Variants in IKBKB observed in about 807,000 individuals in gnomAD.
The protein encoded by IKBKB is inhibitor of nuclear factor kappa-B kinase subunit beta.
In IKBKB, 42 loss-of-function variants were observed where a neutral mutation model predicts 113.6. The observed-to-expected ratio is 0.37, with a 90% CI of 0.29 to 0.48. The LOEUF (loss-of-function observed/expected upper bound fraction) is 0.48, where lower values mean the gene tolerates loss of function less well. Ranked by LOEUF, IKBKB falls within the 20% of genes least tolerant of loss-of-function variation. IKBKB has a pLI of 0.99. For synonymous variants in IKBKB, 296 were observed against 361.3 expected (o/e 0.82, Z 2.05); for missense variants, 673 against 939.7 (o/e 0.72, Z 3.71).
intron 7 of IKBKB, among the ~76,000 whole-genome samples, chr8:42,306,928 T>C (rs957995591): frequency 2.0e-5 from 3 of 152,190 alleles, no homozygotes; most frequent in Non-Finnish European, 4.4e-5. Context: ...GAGTCACTCA[T>C]TCATTCAAGC....
intron 5 of IKBKB, among the ~76,000 whole-genome samples, chr8:42,297,434 G>C (rs1036478037): frequency 6.6e-6 from 1 of 152,122 alleles, no homozygotes; most frequent in African/African-American, 2.4e-5. Flanking sequence ...CGCTGGGTCC[G>C]GATTCATTGC....
intron 2 of IKBKB, among the ~76,000 whole-genome samples, chr8:42,286,221 G>A (rs10099598): frequency 0.94 from 142,578 of 152,162 alleles, 66,947 homozygotes; most frequent in East Asian, 0.99. Flanking sequence ...CATGGAGTCT[G>A]CTGTTCCATT....
At chr8:42,300,975 C>A (rs1208735264) in intron 5 of IKBKB, among the ~76,000 whole-genome samples, 1 of 152,194 alleles carries the variant, frequency 6.6e-6, no homozygotes, top group Non-Finnish European at 1.5e-5. Context: ...TCACCTCAGT[C>A]TCCCACGTAG....
At chr8:42,325,772 C>A (rs956389778) in intron 19 of IKBKB, 198 bp from the exon 20 acceptor site, 25 of 1,401,140 alleles carry the variant, frequency 1.8e-5, no homozygotes, top group Middle Eastern at 2.3e-4. Context: ...CCTCAAAAGT[C>A]TCCGTTGATA....
chr8:42,278,981 C>T (rs371954928), intron 2 of IKBKB, among the ~76,000 whole-genome samples: 11 of 150,282 alleles, frequency 7.3e-5, no homozygotes, highest in African/African-American at 2.2e-4. Flanking sequence ...GCAACAAGAG[C>T]GAAACTCTGT....
intron 21 of IKBKB, chr8:42,330,188 A>C: frequency 1.0e-6 from 1 of 985,406 alleles, no homozygotes; most frequent in Non-Finnish European, 1.2e-6. Context: ...CCACAGTGGT[A>C]CTGACGTCGA....
chr8:42,329,833 T>C (rs755143806), intron 21 of IKBKB: 22 of 985,392 alleles, frequency 2.2e-5, no homozygotes, highest in Non-Finnish European at 2.7e-5. Flanking sequence ...AAGCTTCCAT[T>C]GTTGAGAGAA....
intron 6 of IKBKB, 127 bp downstream of exon 6, chr8:42,305,402 G>T: frequency 1.5e-6 from 1 of 649,302 alleles, no homozygotes; most frequent in Admixed American, 2.8e-5. Context: ...GATTCTCTGG[G>T]AATGCTGTTT....
At chr8:42,320,897 G>C in intron 16 of IKBKB, 53 bp downstream of exon 16, 1 of 1,190,044 alleles carries the variant, frequency 8.4e-7, no homozygotes, top group Non-Finnish European at 1.2e-6. Flanking sequence ...GACAGCCCTG[G>C]AGCTTCGGTG....
chr8:42,279,006 A>G (rs796157669), intron 2 of IKBKB, among the ~76,000 whole-genome samples: 16 of 151,972 alleles, frequency 1.1e-4, no homozygotes, highest in African/African-American at 3.6e-4. Context: ...GAAAAAAAAA[A>G]AGAGAGAGAG....
chr8:42,309,166 C>G, intron 8 of IKBKB, 141 bp downstream of exon 8: 8 of 913,802 alleles, frequency 8.8e-6, no homozygotes, highest in Non-Finnish European at 1.2e-5. Flanking sequence ...CTGTCAGGAC[C>G]TAGCACGAGT....
At chr8:42,278,160 T>G (rs17875740) in intron 2 of IKBKB, among the ~76,000 whole-genome samples, 5,364 of 151,892 alleles carry the variant, frequency 0.035, 108 homozygotes, top group Non-Finnish European at 0.042. Context: ...ACAGAGAAGG[T>G]GGGAGGAGAG....
intron 8 of IKBKB, among the ~76,000 whole-genome samples, chr8:42,311,739 G>C (rs966195214): frequency 3.3e-5 from 5 of 152,102 alleles, no homozygotes; most frequent in Non-Finnish European, 7.4e-5. Flanking sequence ...CCACTATGGT[G>C]ACTTATTTTA....
intron 21 of IKBKB, chr8:42,329,522 C>T: frequency 1.1e-6 from 1 of 882,020 alleles, no homozygotes; most frequent in Non-Finnish European, 1.4e-6. Context: ...TTTTCTAGTA[C>T]ACATTTTTTA....
chr8:42,296,635 G>C (rs1813891401), intron 5 of IKBKB, among the ~76,000 whole-genome samples: 1 of 146,094 alleles, frequency 6.8e-6, no homozygotes. Context: ...GGCAACAAGA[G>C]TGAAACTCCA....
chr8:42,325,852 G>C, intron 19 of IKBKB, 118 bp from the exon 20 acceptor site: 1 of 1,533,276 alleles, frequency 6.5e-7, no homozygotes, highest in Non-Finnish European at 8.7e-7. Flanking sequence ...CTGGTAGGCT[G>C]TAGGGTTAGC....
At chr8:42,325,656 C>T (rs1425528054) in intron 19 of IKBKB, 21 of 1,082,732 alleles carry the variant, frequency 1.9e-5, no homozygotes, top group South Asian at 1.9e-4. Context: ...TCAGCCCAGG[C>T]GACAGAGCAA....
At chr8:42,325,111 G>A in intron 19 of IKBKB, 1 of 508,052 alleles carries the variant, frequency 2.0e-6, no homozygotes, top group Non-Finnish European at 2.5e-6. Context: ...GGGTGGGTTG[G>A]GGACCATGCA....
At chr8:42,293,882 C>T (rs1563318505) in intron 5 of IKBKB, among the ~76,000 whole-genome samples, 1 of 152,232 alleles carries the variant, frequency 6.6e-6, no homozygotes, top group Admixed American at 6.5e-5. Context: ...TCCGCTCCCA[C>T]GTAGGCAGTT....
Sources: allele counts gnomAD v4.1 joint callset (sites outside exome capture counted in the v4.1 genomes callset), GRCh38; gene constraint gnomAD v4.1.1; transcripts MANE v1.5; gene names NCBI Gene and HGNC (gene_info 2026-07-23, HGNC 2026-07-21).